The following EDEM1 variants were observed in gnomAD, a reference collection of about 807,000 sequenced individuals.
EDEM1 encodes the protein ER degradation enhancing alpha-mannosidase like protein 1.
EDEM1 carries 67 observed loss-of-function variants against 74.4 expected under a neutral mutation model. That is an observed-to-expected ratio of 0.90 (90% CI 0.74 to 1.10). The LOEUF is 1.10. Ranked by LOEUF, EDEM1 falls within the 50% of genes least tolerant of loss-of-function variation. The pLI is 0.00. For synonymous variants in EDEM1, 382 were observed against 335.9 expected, an observed-to-expected ratio of 1.14 and a Z score of -1.50; for missense variants, 926 against 851.6, an observed-to-expected ratio of 1.09 and a Z score of -1.09.
intron 1 of EDEM1, among the ~76,000 whole-genome samples, chr3:5,194,026 C>G (rs993156853): frequency 8.5e-5 from 13 of 152,304 alleles, no homozygotes; most frequent in African/African-American, 2.6e-4. Context: ...CCCATTTTCC[C>G]CAGCTGAGGC....
intron 1 of EDEM1, among the ~76,000 whole-genome samples, chr3:5,191,196 A>C (rs2106585614): frequency 6.6e-6 from 1 of 152,250 alleles, no homozygotes; most frequent in African/African-American, 2.4e-5. Context: ...CCCAAACTAA[A>C]TAATCTGTAA....
At chr3:5,197,294 C>A (rs116001761) in intron 2 of EDEM1, among the ~76,000 whole-genome samples, 2 of 152,126 alleles carry the variant, frequency 1.3e-5, no homozygotes, top group African/African-American at 4.8e-5. Flanking sequence ...TGAGAAATTC[C>A]GTATGTCTGG....
intron 11 of EDEM1, 49 bp downstream of exon 11, chr3:5,213,571 A>T: frequency 6.6e-7 from 1 of 1,523,264 alleles, no homozygotes; most frequent in African/African-American, 1.4e-5. Context: ...AAGAGAAGAT[A>T]CTATGAATTG....
chr3:5,192,205 A>G (rs1046808610), intron 1 of EDEM1, among the ~76,000 whole-genome samples: 12 of 151,998 alleles, frequency 7.9e-5, no homozygotes, highest in Non-Finnish European at 1.3e-4. Context: ...CTACATTTTA[A>G]CCTTATTTGA....
intron 8 of EDEM1, 88 bp from the exon 9 acceptor site, chr3:5,210,087 A>G (rs998183392): frequency 1.9e-5 from 23 of 1,197,754 alleles, no homozygotes; most frequent in East Asian, 4.7e-5. Flanking sequence ...ACTCGTCTCC[A>G]TGGGGAAGCC....
At position 5,215,286 on chromosome 3, in the gene EDEM1, AGTG is replaced by A. The variant is rs534688214; in HGVS notation, c.1885-538_1885-536del. 2.8e-4 allele frequency among the ~76,000 whole-genome samples: 36 copies of A among 129,590 alleles called. 1 individual carries two copies. The East Asian group carries it at 6.7e-3, about 24-fold the overall frequency. 85.0% of individuals were successfully genotyped at this position (129,590 alleles called of 152,430 possible). The stretch of plus-strand genomic sequence containing the variant: ...ATGTGCATCTGCTTTGAGGAAAAAA[AGTG>A]GTGGGGGTGGGGGGGTTTTAATTAA... On this transcript the variant is annotated intron_variant, in intron 11 of 11. Transcript: ENST00000256497.
chr3:5,212,873 A>G (rs1435896707), intron 10 of EDEM1, among the ~76,000 whole-genome samples: 4 of 152,224 alleles, frequency 2.6e-5, no homozygotes, highest in Non-Finnish European at 5.9e-5. Context: ...GCTCTGTGCT[A>G]GGCCCTGGGG....
At chr3:5,211,670 G>A (rs2055170075) in intron 10 of EDEM1, among the ~76,000 whole-genome samples, 1 of 152,014 alleles carries the variant, frequency 6.6e-6, no homozygotes, top group African/African-American at 2.4e-5. Flanking sequence ...GTGTGTGTGT[G>A]TGTGTGTGTG....
In EDEM1 at chr3:5,210,201, T is replaced by C; in HGVS notation, c.1536T>C (p.His512=). 1 of 1,614,192 alleles carries C rather than the reference T, an allele frequency of 6.2e-7. No homozygotes were observed. The highest frequency in any genetic ancestry group is 8.5e-7 in the Non-Finnish European group (1 of 1,180,012). The change falls in exon 9 of 12, where the codon CAT becomes CAC. Residue 512 remains histidine, a synonymous_variant. Transcript: ENST00000256497. ...YQATKNPFYL[H]VGMDILQSLE... is the part of the protein sequence containing the mutation. ...CAACCAAGAATCCCTTCTACCTCCA[T>C]GTAGGAATGGATATTCTGCAGAGTC...
At chr3:5,203,201 C>T (rs754561251) in intron 5 of EDEM1, 52 bp downstream of exon 5, 1 of 1,475,216 alleles carries the variant, frequency 6.8e-7, no homozygotes, top group African/African-American at 1.4e-5. Context: ...GTCCCCTTTT[C>T]CTTTCATCTT....
Position 5,213,340 on chromosome 3 carries a change from G to A in EDEM1, c.1702G>A (p.Val568Ile), listed in dbSNP as rs370832610. 3.7e-6 allele frequency: 6 copies of A among 1,613,678 alleles called. No individual in the cohort carries two copies. The East Asian group carries it at 1.1e-4, about 30-fold the overall frequency. The change falls in exon 11 of 12, where the codon GTA (valine) becomes ATA (isoleucine). Residue 568 changes from valine to isoleucine, a missense_variant. Physicochemically the swap from Val to Ile is conservative, Grantham distance 29. Transcript: ENST00000256497. ...LYLLFDEDNP[V>I]HKSGTRYMFT... ...CTAGCTGTTTGATGAAGACAATCCA[G>A]TACACAAGTCTGGAACCAGATACAT...
chr3:5,207,597 C>G (rs1417297453), intron 7 of EDEM1, among the ~76,000 whole-genome samples: 2 of 152,174 alleles, frequency 1.3e-5, no homozygotes, highest in African/African-American at 4.8e-5. Flanking sequence ...ACCTCCGCCT[C>G]CTGGGTTCAA....
chr3:5,209,755 C>T lies in EDEM1; in HGVS notation c.1510-420C>T, dbSNP rs150080533. Among the ~76,000 whole-genome samples, 211 of 152,274 alleles carry T rather than the reference C, an allele frequency of 1.4e-3. 1 individual carries two copies. Among genetic ancestry groups the T allele is most frequent in the African/African-American group, 4.9e-3 (203 of 41,544 alleles). On this transcript the variant is annotated intron_variant, in intron 8 of 11. Coordinates refer to ENST00000256497, the MANE Select transcript of EDEM1 (RefSeq NM_014674.3). ...AAAGTCTTGTTCCCATCAGCCTTTCCTCATGGTGCCATAACTGGAATGGCG... is the reference window on the plus strand; with the variant it reads ...AAAGTCTTGTTCCCATCAGCCTTTCTTCATGGTGCCATAACTGGAATGGCG...
intron 10 of EDEM1, among the ~76,000 whole-genome samples, chr3:5,211,653 AGTGTGTGTGTGTGT>A (rs34661098): frequency 5.4e-5 from 8 of 146,970 alleles, no homozygotes; most frequent in African/African-American, 1.6e-4. Flanking sequence ...TGAGTGAGTG[AGTGTGTGTGTGTGT>A]GTGTGTGTGT....
intron 10 of EDEM1, 109 bp from the exon 11 acceptor site, chr3:5,213,210 C>A: frequency 1.8e-6 from 2 of 1,081,700 alleles, no homozygotes; most frequent in Admixed American, 2.5e-5. Flanking sequence ...CACTGAGAAG[C>A]ATGAGGCCCA....
Position 5,188,018 on chromosome 3 carries a change from G to T in EDEM1, c.213G>T (p.Trp71Cys). 1 of 1,467,712 alleles carries T rather than the reference G, an allele frequency of 6.8e-7. No homozygotes were observed. Among genetic ancestry groups the T allele is most frequent in the African/African-American group, 1.5e-5 (1 of 67,402 alleles). 90.9% of individuals were successfully genotyped at this position (1,467,712 alleles called of 1,614,324 possible). Residue 71 changes from tryptophan (W) to cysteine (C), a missense_variant, in exon 1 of 12, where the codon TGG becomes TGT. By Grantham distance (215) the Trp-to-Cys change is radical (BLOSUM62 -2). Transcript: ENST00000256497. ...CTGGGGGGGTATCCGGGCCGTCGTG[G>T]CTGCAGCCGCCGGGGACCGGGGCAG... Reference protein sequence around the residue: ...GRPGGVSGPSWLQPPGTGAAQ... With the variant: ...GRPGGVSGPSCLQPPGTGAAQ...
At position 5,218,063 on chromosome 3, in the gene EDEM1, C is replaced by G. The variant is rs927513852; in HGVS notation, c.*2145C>G. On this transcript the variant is annotated 3_prime_UTR_variant, in exon 12 of 12. Transcript: ENST00000256497. ...CTGGGTGTTCCTTCCTCCTCATGCT[C>G]CTGGAATAGGGAATAGGGATCTCAT... 6.6e-6 allele frequency: 1 copy of G among 152,198 alleles called. No individual in the cohort carries two copies. The highest frequency in any genetic ancestry group is 2.4e-5 in the African/African-American group (1 of 41,408). The allele number at this position is 152,198 out of a possible 1,614,324, so 9.4% of individuals were successfully genotyped here. A position where few individuals can be genotyped will look rare whatever the true frequency, so the allele number is the denominator to read the frequency against.
chr3:5,208,833 G>C (rs1253281966), intron 8 of EDEM1, among the ~76,000 whole-genome samples: 1 of 151,642 alleles, frequency 6.6e-6, no homozygotes, highest in Middle Eastern at 3.4e-3. Context: ...TACTTCAGTG[G>C]TAGAGGGAAT....
At chr3:5,211,036 T>C (rs2055160750) in intron 9 of EDEM1, 84 bp from the exon 10 acceptor site, 2 of 1,237,034 alleles carry the variant, frequency 1.6e-6, no homozygotes, top group South Asian at 2.6e-5. Context: ...TTGATTATTC[T>C]GATAAGAGAA....
Sources: allele counts gnomAD v4.1 joint callset (sites outside exome capture counted in the v4.1 genomes callset), GRCh38; gene constraint gnomAD v4.1.1; transcripts MANE v1.5; gene names NCBI Gene and HGNC (gene_info 2026-07-23, HGNC 2026-07-21).